The following NMD3 variants were observed in gnomAD, a reference collection of about 807,000 sequenced individuals.
The protein encoded by NMD3 is 60S ribosomal export protein NMD3.
Under a neutral mutation model 73.1 loss-of-function variants are expected in NMD3, and 47 were observed. The observed-to-expected ratio is 0.64, with a 90% CI of 0.51 to 0.82. NMD3 has a LOEUF of 0.82. Ranked by LOEUF, NMD3 falls within the 40% of genes least tolerant of loss-of-function variation. The pLI, the probability that NMD3 is intolerant of heterozygous loss-of-function variation, is 0.00. For missense variants in NMD3, 554 were observed against 612.5 expected (o/e 0.90, Z 1.01); for synonymous variants, 210 against 194.5 (o/e 1.08, Z -0.66).
At chr3:161,238,703 T>G (rs776263931) in intron 8 of NMD3, 27 bp from the exon 9 acceptor site, 1 of 1,050,582 alleles carries the variant, frequency 9.5e-7, no homozygotes, top group Admixed American at 1.7e-5. Context: ...TTTGTCTTTA[T>G]ATTACTACTA....
Position 161,234,726 on chromosome 3 carries a change from G to A in NMD3, c.358-1G>A. ...ATGAAGGAGTGTAATTGTTTTATCA[G>A]GTGATGAATGGTGCTATCCTTCAAC... On this transcript the variant is annotated splice_acceptor_variant, in intron 5 of 15. Coordinates refer to ENST00000351193, the MANE Select transcript of NMD3 (RefSeq NM_015938.5). LOFTEE classifies it high-confidence loss of function. The A allele has an allele frequency of 2.5e-6, 4 of 1,607,454 alleles. No individual in the cohort carries two copies. Among genetic ancestry groups the A allele is most frequent in the Non-Finnish European group, 3.4e-6 (4 of 1,176,412 alleles).
chr3:161,233,342 G>GT (rs1477408911), intron 4 of NMD3, 57 bp from the exon 5 acceptor site: 215 of 1,213,950 alleles, frequency 1.8e-4, no homozygotes, highest in Middle Eastern at 5.8e-4. Flanking sequence ...GTTCTTTCGT[G>GT]TTTTTTTTCC....
At position 161,241,066 on chromosome 3, in the gene NMD3, T is replaced by A. The variant is rs771312996; in HGVS notation, c.774T>A (p.Ser258=). 2.0e-5 allele frequency: 32 copies of A among 1,611,704 alleles called. No individual in the cohort carries two copies. The South Asian group carries it at 3.3e-4, about 17-fold the overall frequency. The part of the protein sequence containing the change: ...PICKDNVVCL[S]PKLAQSLGNM... ...CCTAGGATAATGTTGTCTGTCTGTC[T>A]CCAAAACTGGCACAAAGCCTGGGAA... The change falls in exon 10 of 16, where the codon TCT becomes TCA. Residue 258 remains serine, a synonymous_variant. Coordinates refer to ENST00000351193, the MANE Select transcript of NMD3 (RefSeq NM_015938.5).
At chr3:161,238,526 AG>A (rs1736854832) in intron 8 of NMD3, among the ~76,000 whole-genome samples, 1 of 152,200 alleles carries the variant, frequency 6.6e-6, no homozygotes, top group Non-Finnish European at 1.5e-5. Flanking sequence ...TTGGTGGAAA[AG>A]GTTCAAAATA....
At chr3:161,232,910 A>G (rs2108082898) in intron 4 of NMD3, among the ~76,000 whole-genome samples, 1 of 152,188 alleles carries the variant, frequency 6.6e-6, no homozygotes, top group South Asian at 2.1e-4. Context: ...GATGCTGCAG[A>G]TTTAGTAGTG....
chr3:161,236,463 G>A (rs1041429477), intron 7 of NMD3, among the ~76,000 whole-genome samples: 1 of 152,082 alleles, frequency 6.6e-6, no homozygotes, highest in Non-Finnish European at 1.5e-5. Flanking sequence ...CTGGATACAA[G>A]TCTCTTACTG....
At position 161,224,964 on chromosome 3, in the gene NMD3, A is replaced by G; in HGVS notation, c.79A>G (p.Asn27Asp). The change falls in exon 3 of 16, where the codon AAT becomes GAT. Residue 27 changes from asparagine to aspartate, a missense_variant. By Grantham distance (23) the Asn-to-Asp change is conservative. Transcript: ENST00000351193. ...TGAGTGTGGTGTTCCGATAAGTCCA[A>G]ATCCTGCCAATATTTGTGTGGCCTG... The part of the protein sequence containing the change: ...CCECGVPISP[N>D]PANICVACLR... 6.2e-7 allele frequency: 1 copy of G among 1,613,868 alleles called. No homozygotes were observed. The highest frequency in any genetic ancestry group is 8.5e-7 in the Non-Finnish European group (1 of 1,179,934).
At chr3:161,226,217 G>A (rs904127728) in intron 3 of NMD3, among the ~76,000 whole-genome samples, 2 of 152,134 alleles carry the variant, frequency 1.3e-5, no homozygotes, top group African/African-American at 4.8e-5. Context: ...ACTTGAGGAG[G>A]CTGAGGCGGG....
chr3:161,240,723 A>G (rs1696206153), intron 9 of NMD3, among the ~76,000 whole-genome samples: 1 of 151,666 alleles, frequency 6.6e-6, no homozygotes, highest in African/African-American at 2.4e-5. Context: ...ATATGGAGAC[A>G]GGGTCTCCAT....
chr3:161,239,683 T>C (rs1316654373), intron 9 of NMD3, among the ~76,000 whole-genome samples: 1 of 152,214 alleles, frequency 6.6e-6, no homozygotes, highest in Non-Finnish European at 1.5e-5. Flanking sequence ...GGTCTGTGTC[T>C]CCAAAGCTTT....
chr3:161,227,747 C>T (rs1355830435), intron 4 of NMD3, among the ~76,000 whole-genome samples: 6 of 151,806 alleles, frequency 4.0e-5, no homozygotes, highest in South Asian at 2.1e-4. Flanking sequence ...ATGCTGGCCT[C>T]GAAAGTAACT....
chr3:161,247,158 A>G, intron 12 of NMD3, 100 bp from the exon 13 acceptor site: 2 of 694,484 alleles, frequency 2.9e-6, no homozygotes, highest in South Asian at 1.7e-5. Context: ...GAAGCATATT[A>G]AATGTTTGAT....
chr3:161,227,340 T>G lies in NMD3; in HGVS notation c.273T>G (p.Ser91Arg). The G allele has an allele frequency of 6.3e-7, 1 of 1,590,968 alleles. No individual in the cohort carries two copies. Among genetic ancestry groups the G allele is most frequent in the Middle Eastern group, 1.7e-4 (1 of 6,008 alleles). Residue 91 changes from serine (S) to arginine (R), a missense_variant, in exon 4 of 16, where the codon AGT (serine) becomes AGG (arginine). By Grantham distance (110) the Ser-to-Arg change is moderately radical. Transcript: ENST00000351193. ...LCLKKIKAPL[S>R]KVRLVDAGFV... ...TGAAAAAAATCAAAGCCCCTCTGAGTAAGGTAAGTTAAACAGCTAAAATCA... is the reference window on the plus strand; with the variant it reads ...TGAAAAAAATCAAAGCCCCTCTGAGGAAGGTAAGTTAAACAGCTAAAATCA...
At chr3:161,227,397 C>T (rs1304866787) in intron 4 of NMD3, 54 bp downstream of exon 4, 17 of 842,928 alleles carry the variant, frequency 2.0e-5, no homozygotes, top group African/African-American at 1.5e-4. Context: ...TTAAAGGTCT[C>T]ATTTTCAGAA....
At chr3:161,238,251 A>T (rs1486587240) in intron 8 of NMD3, 60 bp downstream of exon 8, 7 of 1,015,306 alleles carry the variant, frequency 6.9e-6, no homozygotes, top group Non-Finnish European at 7.5e-6. Flanking sequence ...TGCGGATCAC[A>T]TATATTCTTC....
intron 11 of NMD3, among the ~76,000 whole-genome samples, chr3:161,245,248 A>G (rs1258856283): frequency 1.3e-5 from 2 of 152,018 alleles, no homozygotes; most frequent in Non-Finnish European, 2.9e-5. Context: ...GACATTCTAC[A>G]TTTTATTTAT....
chr3:161,245,758 T>C (rs902003123), intron 11 of NMD3, among the ~76,000 whole-genome samples: 3 of 151,852 alleles, frequency 2.0e-5, no homozygotes, highest in Non-Finnish European at 2.9e-5. Flanking sequence ...GCTATATATA[T>C]ATTATATATA....
chr3:161,249,058 A>G (rs529026689), intron 13 of NMD3, among the ~76,000 whole-genome samples: 2 of 152,314 alleles, frequency 1.3e-5, no homozygotes, highest in African/African-American at 4.8e-5. Flanking sequence ...TGTGAAAGTT[A>G]TATATAGTTC....
At chr3:161,227,437 ATT>A (rs55825529) in intron 4 of NMD3, 94 bp downstream of exon 4, 14,662 of 350,980 alleles carry the variant, frequency 0.042, no homozygotes, top group Non-Finnish European at 0.046. Context: ...TTCAAAAGGA[ATT>A]TTTTTTTTTT....
Sources: allele counts gnomAD v4.1 joint callset (sites outside exome capture counted in the v4.1 genomes callset), GRCh38; gene constraint gnomAD v4.1.1; transcripts MANE v1.5; gene names NCBI Gene and HGNC (gene_info 2026-07-23, HGNC 2026-07-21).